Variants in KMT2C observed in about 807,000 individuals in gnomAD.
KMT2C encodes the protein histone-lysine N-methyltransferase 2C.
A neutral mutation model predicts 507.9 loss-of-function variants in KMT2C; 88 were observed. The observed-to-expected ratio is 0.17, with a 90% confidence interval of 0.15 to 0.21. KMT2C has a LOEUF of 0.21. KMT2C is among the 10% of genes least tolerant of loss of function. KMT2C has a pLI of 1.00. For missense variants in KMT2C, 4,954 were observed against 5,957.8 expected, an observed-to-expected ratio of 0.83 and a Z score of 5.55; for synonymous variants, 2,049 against 2,080.8, an observed-to-expected ratio of 0.98 and a Z score of 0.42.
chr7:152,366,320 T>G (rs1350660097), intron 1 of KMT2C, among the ~76,000 whole-genome samples: 2 of 152,160 alleles, frequency 1.3e-5, no homozygotes, highest in East Asian at 1.9e-4. Context: ...TTATTCACAA[T>G]AAATAAAACA....
At chr7:152,319,943 C>A (rs1263609977) in intron 3 of KMT2C, among the ~76,000 whole-genome samples, 1 of 152,064 alleles carries the variant, frequency 6.6e-6, no homozygotes, top group Non-Finnish European at 1.5e-5. Context: ...CCTTACCCTG[C>A]CCCTTTGTCT....
Position 152,430,126 on chromosome 7 carries a change from C to T in KMT2C, c.161+5500G>A, listed in dbSNP as rs557283834. Reference sequence around the variant, plus strand: ...CCGGAGGGCGGCAGCCACAGTGAGCCAGGATCACGCCACTGCACTCCAGCC... The same window carrying T: ...CCGGAGGGCGGCAGCCACAGTGAGCTAGGATCACGCCACTGCACTCCAGCC... On this transcript the variant is annotated intron_variant, in intron 1 of 58. Coordinates refer to ENST00000262189, the MANE Select transcript of KMT2C (RefSeq NM_170606.3). 2.3e-3 allele frequency among the ~76,000 whole-genome samples: 340 copies of T among 148,922 alleles called. 1 individual carries two copies. Among genetic ancestry groups the T allele is most frequent in the African/African-American group, 8.1e-3 (327 of 40,524 alleles).
In KMT2C at chr7:152,163,441, G is replaced by T; in HGVS notation, c.10136C>A (p.Pro3379Gln). The change falls in exon 43 of 59, where the codon CCA (proline) becomes CAA (glutamine). Residue 3379 changes from proline to glutamine, a missense_variant. By Grantham distance (76) the Pro-to-Gln change is moderately conservative. This residue lies in a region of KMT2C where 801 missense variants were observed against 751.2 expected (regional missense o/e 1.07). Coordinates refer to ENST00000262189, the MANE Select transcript of KMT2C (RefSeq NM_170606.3). ...TVSNANPQSG[P>Q]PPRVEFDDNN... ...GTCATCAAATTCTACCCGAGGTGGT[G>T]GTCCACTCTGTGGATTTGCATTTGA... The T allele has an allele frequency of 6.2e-7, 1 of 1,614,198 alleles. No homozygotes were observed. The highest frequency in any genetic ancestry group is 8.5e-7 in the Non-Finnish European group (1 of 1,180,050).
At chr7:152,345,333 T>C (rs1374452144) in intron 2 of KMT2C, among the ~76,000 whole-genome samples, 2 of 152,100 alleles carry the variant, frequency 1.3e-5, no homozygotes, top group African/African-American at 4.8e-5. Context: ...TCCCAGCTAC[T>C]TGCGAAGCTG....
chr7:152,428,993 G>C (rs1371209469), intron 1 of KMT2C, among the ~76,000 whole-genome samples: 4 of 152,132 alleles, frequency 2.6e-5, no homozygotes, highest in Non-Finnish European at 4.4e-5. Flanking sequence ...CTCTGTTCTA[G>C]TCACACAGTC....
chr7:152,202,308 A>G (rs991883146), intron 26 of KMT2C, among the ~76,000 whole-genome samples: 67 of 152,184 alleles, frequency 4.4e-4, no homozygotes, highest in African/African-American at 1.5e-3. Flanking sequence ...TCTCAGTACA[A>G]TTTCTAATAT....
At chr7:152,208,032 A>G (rs1379262521) in intron 23 of KMT2C, among the ~76,000 whole-genome samples, 2 of 152,166 alleles carry the variant, frequency 1.3e-5, no homozygotes, top group Non-Finnish European at 2.9e-5. Flanking sequence ...ATGACTCACT[A>G]TTAATACAAC....
In KMT2C at chr7:152,162,929, T is replaced by C; in HGVS notation, c.10648A>G (p.Arg3550Gly). 1 of 1,614,188 alleles carries C rather than the reference T, an allele frequency of 6.2e-7. No homozygotes were observed. Among genetic ancestry groups the C allele is most frequent in the African/African-American group, 1.3e-5 (1 of 75,036 alleles). Residue 3550 changes from arginine (R) to glycine (G), a missense_variant, in exon 43 of 59, where the codon AGG becomes GGG. Arg to Gly is a moderately radical substitution (Grantham distance 125, BLOSUM62 -2). Around this residue, in one of 29 missense-constraint regions of KMT2C, gnomAD observed 801 missense variants for 751.2 expected, o/e 1.07. Coordinates refer to ENST00000262189, the MANE Select transcript of KMT2C (RefSeq NM_170606.3). The part of the protein sequence containing the change: ...SGTSFQQSPV[R>G]PSFTPALPAA... ...GGTAAAGCAGGTGTAAAAGAAGGCC[T>C]CACTGGGGACTGCTGGAAGCTGGTC...
chr7:152,253,514 C>CAAAAAAAAAA lies in KMT2C; in HGVS notation c.1300-809_1300-800dup, dbSNP rs71198770. On this transcript the variant is annotated intron_variant, in intron 9 of 58. Transcript: ENST00000262189. Reference sequence around the variant, plus strand: ...AGAAGGCAAAACACCTCTTTCTCTACAAAAAAAAAAAAAAAAAAAAAAAAA... The same window carrying CAAAAAAAAAA: ...AGAAGGCAAAACACCTCTTTCTCTACAAAAAAAAAAAAAAAAAAAAAAAAAAAAAAAAAAA... Among the ~76,000 whole-genome samples, 62 of 39,514 alleles carry CAAAAAAAAAA rather than the reference C, an allele frequency of 1.6e-3. 4 individuals carry two copies. Among genetic ancestry groups the CAAAAAAAAAA allele is most frequent in the African/African-American group, 4.4e-3 (57 of 12,820 alleles). The allele number at this position is 39,514 out of a possible 152,430, so 25.9% of individuals were successfully genotyped here. A position where few individuals can be genotyped will look rare whatever the true frequency, so the allele number is the denominator to read the frequency against.
chr7:152,219,884 T>C (rs1016174795), intron 23 of KMT2C, among the ~76,000 whole-genome samples: 3 of 151,966 alleles, frequency 2.0e-5, no homozygotes, highest in African/African-American at 7.3e-5. Context: ...GCATCCATGG[T>C]CCCAGCTACT....
intron 1 of KMT2C, among the ~76,000 whole-genome samples, chr7:152,406,669 C>T (rs200432889): frequency 0.038 from 4,253 of 113,338 alleles, no homozygotes; most frequent in East Asian, 0.093. Flanking sequence ...AGGTGTATCA[C>T]GACACACAGC....
intron 32 of KMT2C, 89 bp downstream of exon 32, chr7:152,187,623 TATC>T (rs1475427887): frequency 5.0e-5 from 73 of 1,474,176 alleles, no homozygotes; most frequent in Non-Finnish European, 6.2e-5. Context: ...CATACAATAA[TATC>T]ATACACAATC....
intron 42 of KMT2C, among the ~76,000 whole-genome samples, chr7:152,164,791 A>C (rs184388518): frequency 1.3e-4 from 20 of 152,358 alleles, no homozygotes; most frequent in South Asian, 2.1e-4. Flanking sequence ...TCAATTAATT[A>C]ATTCATTCCA....
chr7:152,152,230 A>C (rs1195094314), intron 49 of KMT2C, among the ~76,000 whole-genome samples: 2 of 152,340 alleles, frequency 1.3e-5, no homozygotes, highest in Middle Eastern at 3.4e-3. Flanking sequence ...CCATTCTCAG[A>C]GATGGGGGGC....
rs765161572 is a variant in KMT2C at position 152,273,804 on chromosome 7, T to C, written c.913A>G (p.Met305Val). The C allele has an allele frequency of 6.2e-7, 1 of 1,613,962 alleles. No homozygotes were observed. The highest frequency in any genetic ancestry group is 8.5e-7 in the Non-Finnish European group (1 of 1,179,950). The change falls in exon 7 of 59, where the codon ATG (methionine) becomes GTG (valine). Residue 305 changes from methionine (M) to valine (V), a missense_variant. Met to Val is a conservative substitution (Grantham distance 21). Transcript: ENST00000262189. ...CCTGCAGCACAAGGATAATGATACATCTGGGTACATTTCTCTTCACAGCAT... is the reference window on the plus strand; with the variant it reads ...CCTGCAGCACAAGGATAATGATACACCTGGGTACATTTCTCTTCACAGCAT... Reference protein sequence around the residue: ...IKCCEEKCTQMYHYPCAAGAG... With the variant: ...IKCCEEKCTQVYHYPCAAGAG...
chr7:152,367,763 T>C, intron 1 of KMT2C: 1 of 1,029,734 alleles, frequency 9.7e-7, no homozygotes, highest in African/African-American at 1.6e-5. Flanking sequence ...ATAGTAAATC[T>C]GAGGACTACC....
At chr7:152,228,261 AAG>A (rs527369622) in intron 18 of KMT2C, among the ~76,000 whole-genome samples, 207 of 152,330 alleles carry the variant, frequency 1.4e-3, no homozygotes, top group African/African-American at 4.7e-3. Context: ...AGTAATTTTA[AAG>A]AGTGTTAAGG....
intron 3 of KMT2C, among the ~76,000 whole-genome samples, chr7:152,325,531 G>T (rs1438618255): frequency 6.6e-6 from 1 of 151,598 alleles, no homozygotes; most frequent in Non-Finnish European, 1.5e-5. Context: ...CAGGATCACA[G>T]CTCACTACAG....
chr7:152,263,667 C>A (rs914932996), intron 8 of KMT2C, among the ~76,000 whole-genome samples: 1 of 152,052 alleles, frequency 6.6e-6, no homozygotes, highest in Admixed American at 6.6e-5. Context: ...AAAGGTAATG[C>A]GGGTTCAAGT....
Sources: gnomAD v4.1 joint callset for allele counts (sites outside exome capture counted in the v4.1 genomes callset) on GRCh38, gnomAD v4.1.1 for gene constraint, gnomAD v4.1.1 regional missense constraint, MANE v1.5 for transcripts, NCBI Gene and HGNC (gene_info 2026-07-23, HGNC 2026-07-21) for gene names.